Variants in SNX1 observed in about 807,000 individuals in gnomAD.
SNX1 encodes the protein sorting nexin-1.
Under a neutral mutation model 71.8 loss-of-function variants are expected in SNX1, and 36 were observed. The ratio of observed to expected loss-of-function variants is 0.50; its 90% CI spans 0.38 to 0.66. The LOEUF (loss-of-function observed/expected upper bound fraction) is 0.66, where lower values mean the gene tolerates loss of function less well. Ranked by LOEUF, SNX1 falls within the 30% of genes least tolerant of loss-of-function variation. The pLI, the probability that SNX1 is intolerant of heterozygous loss-of-function variation, is 0.00. For synonymous variants in SNX1, 254 were observed against 240.7 expected (o/e 1.06, Z -0.51); for missense variants, 612 against 646.7 (o/e 0.95, Z 0.58).
Position 64,129,225 on chromosome 15 carries a change from C to G in SNX1, c.808-691C>G, listed in dbSNP as rs973875336. The stretch of plus-strand genomic sequence containing the variant: ...TCGTGCCACTGCACTCCAGCCTGGG[C>G]GACAAGAGCAAGACTCCGTCTCAAA... On this transcript the variant is annotated intron_variant, in intron 8 of 14. Coordinates refer to ENST00000559844, the MANE Select transcript of SNX1 (RefSeq NM_003099.5). The surrounding 1 kb of genome is among the most constrained non-coding windows in gnomAD (Gnocchi z 4.4). Among the ~76,000 whole-genome samples the G allele has an allele frequency of 4.0e-5, 6 of 149,706 alleles. No homozygotes were observed. The highest frequency in any genetic ancestry group is 1.5e-4 in the African/African-American group (6 of 40,472).
At chr15:64,127,697 T>G (rs1301897341) in intron 7 of SNX1, 34 bp from the exon 8 acceptor site, 1 of 1,554,572 alleles carries the variant, frequency 6.4e-7, no homozygotes, top group South Asian at 1.1e-5. Context: ...TGAGGCCAGC[T>G]CAACTAACCA....
rs147060442 is a variant in SNX1, at chr15:64,118,216, C to G, written c.371C>G (p.Ser124Cys). ...CTTCCTCCTCAGGAAGCCACAAATT[C>G]TTCGAAGCCCCAGCCAACCTATGAG... ...ISLPPQEATNSSKPQPTYEEL... is the reference protein window; with the variant it reads ...ISLPPQEATNCSKPQPTYEEL... Residue 124 changes from serine to cysteine, a missense_variant, in exon 3 of 15, where the codon TCT (serine) becomes TGT (cysteine). Coordinates refer to ENST00000559844, the MANE Select transcript of SNX1 (RefSeq NM_003099.5). The G allele has an allele frequency of 6.2e-7, 1 of 1,613,540 alleles. No homozygotes were observed. The highest frequency in any genetic ancestry group is 8.5e-7 in the Non-Finnish European group (1 of 1,179,852).
chr15:64,099,036 A>G (rs550430942), intron 1 of SNX1, among the ~76,000 whole-genome samples: 15 of 152,378 alleles, frequency 9.8e-5, no homozygotes, highest in East Asian at 9.6e-4. Flanking sequence ...TTAAACAGCC[A>G]TAAAGAACAA....
rs141020755 is a variant in SNX1, at chr15:64,102,138, A to G, written c.159+5966A>G. 4.5e-3 allele frequency among the ~76,000 whole-genome samples: 690 copies of G among 152,288 alleles called. 5 individuals carry two copies. The highest frequency in any genetic ancestry group is 0.015 in the African/African-American group (643 of 41,572). ...TTGCTGTTTTGATAAAAATTTTAAA[A>G]TATCTATTGAATTTTATTATTTTTT... On this transcript the variant is annotated intron_variant, in intron 1 of 14. Transcript: ENST00000559844.
intron 2 of SNX1, among the ~76,000 whole-genome samples, chr15:64,113,242 AG>A (rs1476749759): frequency 1.3e-5 from 2 of 152,252 alleles, no homozygotes; most frequent in Non-Finnish European, 2.9e-5. Flanking sequence ...ACACTAGTAT[AG>A]GACAGTTTCT....
rs2081392161 is a variant in SNX1 at position 64,139,260 on chromosome 15, C to T, written c.*1642C>T. ...TGTTATATATCTTCACAAAGTTGATCTGTAAAGCTGTGTAATTTGAAGGCA... is the reference window on the plus strand; with the variant it reads ...TGTTATATATCTTCACAAAGTTGATTTGTAAAGCTGTGTAATTTGAAGGCA... On this transcript the variant is annotated 3_prime_UTR_variant, in exon 15 of 15. Coordinates refer to ENST00000559844, the MANE Select transcript of SNX1 (RefSeq NM_003099.5). The T allele has an allele frequency of 6.7e-6, 1 of 148,400 alleles. No individual in the cohort carries two copies. The highest frequency in any genetic ancestry group is 6.8e-5 in the Admixed American group (1 of 14,748). 9.2% of individuals were successfully genotyped at this position (148,400 alleles called of 1,614,324 possible). A position where few individuals can be genotyped will look rare whatever the true frequency, so the allele number is the denominator to read the frequency against.
chr15:64,104,152 A>C (rs546432790), intron 1 of SNX1, among the ~76,000 whole-genome samples: 15 of 152,346 alleles, frequency 9.8e-5, no homozygotes, highest in African/African-American at 3.6e-4. Flanking sequence ...GATTTCCCTG[A>C]AATACATAAA....
chr15:64,111,476 A>G (rs915222283), intron 1 of SNX1: 4 of 152,196 alleles, frequency 2.6e-5, no homozygotes, highest in African/African-American at 9.7e-5. Flanking sequence ...AGTCAAGTGC[A>G]GTAGTGAGAA....
chr15:64,106,847 C>G (rs1252485272), intron 1 of SNX1, among the ~76,000 whole-genome samples: 1 of 152,200 alleles, frequency 6.6e-6, no homozygotes, highest in Non-Finnish European at 1.5e-5. Context: ...CCTACTGACA[C>G]CTTGATTTTA....
intron 10 of SNX1, 148 bp downstream of exon 10, chr15:64,130,469 G>T: frequency 1.5e-6 from 1 of 667,504 alleles, no homozygotes; most frequent in Non-Finnish European, 2.6e-6. Flanking sequence ...TAAAAAAAAG[G>T]TATGCCCTGT....
rs779243631 is a variant in SNX1 at position 64,134,639 on chromosome 15, C to G, written c.1222-25C>G. The G allele has an allele frequency of 6.3e-7, 1 of 1,596,504 alleles. No homozygotes were observed. Among genetic ancestry groups the G allele is most frequent in the Non-Finnish European group, 8.5e-7 (1 of 1,170,660 alleles). On this transcript the variant is annotated intron_variant, in intron 11 of 14. Transcript: ENST00000559844. This position sits in a 1 kb window ranked among gnomAD's most constrained non-coding sequence, Gnocchi z 4.1. ...CAGAGCTCTTGAAGAGCTGGTTGTG[C>G]TCCTCCTCAACCCCACCCCCACAGG...
At position 64,103,397 on chromosome 15, in the gene SNX1, T is replaced by G. The variant is rs570428165; in HGVS notation, c.159+7225T>G. 3.9e-5 allele frequency among the ~76,000 whole-genome samples: 6 copies of G among 152,362 alleles called. No homozygotes were observed. In the East Asian group the frequency reaches 1.2e-3, roughly 29 times the overall value. On this transcript the variant is annotated intron_variant, in intron 1 of 14. Transcript: ENST00000559844. ...TTTGTATTTTTAATAATGTCTTTTT[T>G]TATACATTGCTGGGTTTGGATTGCT...
In SNX1 at chr15:64,138,300, A is replaced by AGAAT; in HGVS notation, c.*682_*683insGAAT. On this transcript the variant is annotated 3_prime_UTR_variant, in exon 15 of 15. Coordinates refer to ENST00000559844, the MANE Select transcript of SNX1 (RefSeq NM_003099.5). ...ATCTATTAAAACCTATTCTCCTGCA[A>AGAAT]AGGAGGCAGAGACTTTCTCTCTCTC... 11 of 1,101,430 alleles carry AGAAT rather than the reference A, an allele frequency of 1.0e-5. No individual in the cohort carries two copies. Among genetic ancestry groups the AGAAT allele is most frequent in the South Asian group, 1.9e-5 (1 of 52,062 alleles). The allele number at this position is 1,101,430 out of a possible 1,614,324, so 68.2% of individuals were successfully genotyped here.
In SNX1 at chr15:64,144,185, C is replaced by A. The variant is rs1165500709; in HGVS notation, c.*6567C>A. On this transcript the variant is annotated 3_prime_UTR_variant, in exon 15 of 15. Transcript: ENST00000559844. The surrounding 1 kb of genome is among the most constrained non-coding windows in gnomAD (Gnocchi z 4.3). ...ATTGCTTAAAATTTGTATGTATTAT[C>A]GTTAAAATAAGAAAAATCAAATAAA... 1 of 152,152 alleles carries A rather than the reference C, an allele frequency of 6.6e-6. No individual in the cohort carries two copies. The highest frequency in any genetic ancestry group is 2.4e-5 in the African/African-American group (1 of 41,482). 9.4% of individuals were successfully genotyped at this position (152,152 alleles called of 1,614,324 possible).
At chr15:64,103,213 A>T (rs1223578664) in intron 1 of SNX1, among the ~76,000 whole-genome samples, 5 of 152,170 alleles carry the variant, frequency 3.3e-5, no homozygotes, top group Non-Finnish European at 5.9e-5. Context: ...TTTTGGATAC[A>T]TACCTAGTAG....
chr15:64,105,754 G>C (rs1019734053), intron 1 of SNX1, among the ~76,000 whole-genome samples: 7 of 152,162 alleles, frequency 4.6e-5, no homozygotes, highest in Non-Finnish European at 8.8e-5. Flanking sequence ...GCTAAATCTG[G>C]GGTCTCATGA....
rs2081399306 is a variant in SNX1, at chr15:64,140,189, A to G, written c.*2571A>G. The G allele has an allele frequency of 6.6e-6, 1 of 152,280 alleles. No homozygotes were observed. Among genetic ancestry groups the G allele is most frequent in the South Asian group, 2.1e-4 (1 of 4,836 alleles). 9.4% of individuals were successfully genotyped at this position (152,280 alleles called of 1,614,324 possible). The stretch of plus-strand genomic sequence containing the variant: ...GTTGATTAGTCTTGTCCCAGTTATT[A>G]CTGTCATGATTGACCAACATGATTT... On this transcript the variant is annotated 3_prime_UTR_variant, in exon 15 of 15. Coordinates refer to ENST00000559844, the MANE Select transcript of SNX1 (RefSeq NM_003099.5).
At chr15:64,131,976 C>A in intron 11 of SNX1, 84 bp downstream of exon 11, 2 of 1,406,628 alleles carry the variant, frequency 1.4e-6, no homozygotes, top group Non-Finnish European at 2.0e-6. Flanking sequence ...ACAGTTTCAT[C>A]CCATTATAGC....
chr15:64,117,668 T>A (rs1372989666), intron 2 of SNX1, among the ~76,000 whole-genome samples: 1 of 152,218 alleles, frequency 6.6e-6, no homozygotes, highest in Non-Finnish European at 1.5e-5. Flanking sequence ...GGTATGCACC[T>A]GTAGTACCAC....
Sources: gnomAD v4.1 joint callset for allele counts (sites outside exome capture counted in the v4.1 genomes callset) on GRCh38, gnomAD v4.1.1 for gene constraint, Gnocchi (gnomAD v3.1) non-coding constraint, MANE v1.5 for transcripts, NCBI Gene and HGNC (gene_info 2026-07-23, HGNC 2026-07-21) for gene names.